Variants in ZNF69 observed in about 807,000 individuals in gnomAD.
ZNF69 encodes the protein zinc finger protein 69, also known as ZNF3.
In ZNF69, 47 loss-of-function variants were observed where a neutral mutation model predicts 50.9. The observed-to-expected ratio is 0.92, with a 90% CI of 0.73 to 1.18. The LOEUF is 1.18. Ranked by LOEUF, ZNF69 falls within the 50% of genes most tolerant of loss-of-function variation. ZNF69 has a pLI of 0.00. For synonymous variants in ZNF69, 216 were observed against 223.1 expected (o/e 0.97, Z 0.29); for missense variants, 717 against 675.1 (o/e 1.06, Z -0.69).
At chr19:11,956,484 G>A in the ZNF69 span, 2 of 397,984 alleles carry the variant, frequency 5.0e-6, no homozygotes, top group South Asian at 1.3e-4. Context: ...TCAAACACTG[G>A]GTATTTTCTC....
intron 1 of ZNF69, among the ~76,000 whole-genome samples, chr19:11,894,019 T>C (rs1159159363): frequency 6.6e-6 from 1 of 152,136 alleles, no homozygotes; most frequent in Non-Finnish European, 1.5e-5. Flanking sequence ...AAGATATGCA[T>C]GGGGGTACAC....
At chr19:11,953,893 GT>G in the ZNF69 span, among the ~76,000 whole-genome samples, 1 of 149,718 alleles carries the variant, frequency 6.7e-6, no homozygotes, top group Admixed American at 6.6e-5. Context: ...AATTAATAAG[GT>G]TTTAATATTA....
chr19:11,936,445 T>C, the ZNF69 span, among the ~76,000 whole-genome samples: 26 of 152,384 alleles, frequency 1.7e-4, no homozygotes, highest in Non-Finnish European at 2.6e-4. Context: ...CCAGTGTTGA[T>C]GAGCATTTTT....
chr19:11,907,414 C>A (rs966305359), downstream of ZNF69, among the ~76,000 whole-genome samples: 1 of 152,162 alleles, frequency 6.6e-6, no homozygotes, highest in African/African-American at 2.4e-5. Context: ...ATGTTAAGGG[C>A]AGCCAGAGAG....
rs370203241 is a variant in ZNF69 at position 11,904,887 on chromosome 19, T to C, written c.490T>C (p.Cys164Arg). The change falls in exon 4 of 4, where the codon TGT (cysteine) becomes CGT (arginine). Residue 164 changes from cysteine to arginine, a missense_variant. Cys to Arg is a radical substitution (Grantham distance 180). Transcript: ENST00000429654. ...GTATCAGGAATATGGACCGAAGCCA[T>C]GTAAGTGTCAACAACCTAAAAAAGC... ...YEYQEYGPKP[C>R]KCQQPKKAFR... The C allele has an allele frequency of 9.9e-6, 16 of 1,614,050 alleles. No homozygotes were observed. The highest frequency in any genetic ancestry group is 5.3e-5 in the African/African-American group (4 of 74,912).
At chr19:11,916,547 G>A (rs1363760217), downstream of ZNF69, among the ~76,000 whole-genome samples, 3 of 152,176 alleles carry the variant, frequency 2.0e-5, no homozygotes, top group Non-Finnish European at 2.9e-5. Context: ...CCAGGGAGGC[G>A]GAGGTTGCAG....
chr19:11,928,989 T>C, the ZNF69 span, among the ~76,000 whole-genome samples: 55 of 147,866 alleles, frequency 3.7e-4, 10 homozygotes, highest in African/African-American at 1.5e-3. Context: ...TTCCCTTCAG[T>C]CATTTACAAC....
the ZNF69 span, among the ~76,000 whole-genome samples, chr19:11,921,929 T>C: frequency 5.3e-5 from 8 of 152,198 alleles, no homozygotes; most frequent in Non-Finnish European, 1.2e-4. Context: ...GTACTGAATT[T>C]ATTTACTCCA....
the ZNF69 span, chr19:11,925,194 G>A: frequency 1.2e-6 from 2 of 1,611,306 alleles, no homozygotes; most frequent in Admixed American, 1.7e-5. Flanking sequence ...GGCTTCTGTC[G>A]CTCTGTCGCC....
At position 11,896,899 on chromosome 19, in the gene ZNF69, G is replaced by A. The variant is rs1055981146; in HGVS notation, c.64-6674G>A. On this transcript the variant is annotated intron_variant, in intron 1 of 3. Coordinates refer to ENST00000429654, the MANE Select transcript of ZNF69 (RefSeq NM_001364730.1). ...ATAACTGTAGTCATATTTCAGAAAC[G>A]TTACATCATAGTGCTATTTAATCTC... is the stretch of plus-strand genomic sequence containing the variant. Among the ~76,000 whole-genome samples the A allele has an allele frequency of 5.3e-3, 802 of 152,112 alleles. 5 individuals carry two copies. The highest frequency in any genetic ancestry group is 0.015 in the African/African-American group (620 of 41,508).
the ZNF69 span, among the ~76,000 whole-genome samples, chr19:11,967,192 T>C: frequency 1 from 151,841 of 152,204 alleles, 75,739 homozygotes; most frequent in Non-Finnish European, 1. Context: ...AAAAATTAAC[T>C]GGGTGTGGTG....
chr19:11,977,242 G>T, the ZNF69 span: 1 of 1,606,270 alleles, frequency 6.2e-7, no homozygotes, highest in African/African-American at 1.3e-5. Context: ...TGAGTCATTT[G>T]GAACATAGAC....
At chr19:11,977,402 T>A in the ZNF69 span, 1 of 1,613,958 alleles carries the variant, frequency 6.2e-7, no homozygotes. Context: ...ACATTGAATA[T>A]GAGTACCAAA....
chr19:11,954,996 A>ATTTTTTT, the ZNF69 span, among the ~76,000 whole-genome samples: 4 of 101,716 alleles, frequency 3.9e-5, no homozygotes, highest in Admixed American at 1.1e-4. Context: ...TTTCAAAAAA[A>ATTTTTTT]TTTTTTTTTT....
intron 1 of ZNF69, among the ~76,000 whole-genome samples, chr19:11,898,355 G>A (rs917258381): frequency 7.5e-6 from 1 of 133,506 alleles, no homozygotes; most frequent in Non-Finnish European, 1.6e-5. Context: ...AGTTCCCGCA[G>A]TTTTCTTCCA....
the ZNF69 span, among the ~76,000 whole-genome samples, chr19:11,975,286 G>A: frequency 2.6e-5 from 4 of 151,888 alleles, no homozygotes; most frequent in African/African-American, 9.7e-5. Context: ...GGTCAGGCTG[G>A]TCTCGAACTC....
At chr19:11,954,379 T>C in the ZNF69 span, among the ~76,000 whole-genome samples, 1 of 152,132 alleles carries the variant, frequency 6.6e-6, no homozygotes, top group Non-Finnish European at 1.5e-5. Context: ...CATTCAGACT[T>C]TCATTTAGAA....
downstream of ZNF69, among the ~76,000 whole-genome samples, chr19:11,907,098 T>C (rs1239777180): frequency 6.6e-6 from 1 of 151,884 alleles, no homozygotes; most frequent in African/African-American, 2.4e-5. Flanking sequence ...ATCAAATGGA[T>C]GAAATGAAGT....
the ZNF69 span, among the ~76,000 whole-genome samples, chr19:11,922,657 T>A: frequency 8.0e-4 from 28 of 35,070 alleles, no homozygotes; most frequent in South Asian, 0.024. Context: ...TTCCATTGAC[T>A]GCAAGGAGGT....
Sources: gnomAD v4.1 joint callset for allele counts (sites outside exome capture counted in the v4.1 genomes callset) on GRCh38, gnomAD v4.1.1 for gene constraint, MANE v1.5 for transcripts, NCBI Gene and HGNC (gene_info 2026-07-23, HGNC 2026-07-21) for gene names.